The following PALM2AKAP2 variants were observed in gnomAD, a reference collection of about 807,000 sequenced individuals.
PALM2AKAP2 encodes PALM2 and AKAP2 fusion.
A neutral mutation model predicts 71.5 loss-of-function variants in PALM2AKAP2; 37 were observed. That is an observed-to-expected ratio of 0.52 (90% CI 0.40 to 0.68). The LOEUF (loss-of-function observed/expected upper bound fraction) is 0.68. Ranked by LOEUF, PALM2AKAP2 falls within the 30% of genes least tolerant of loss-of-function variation. PALM2AKAP2 has a pLI of 0.00. For missense variants in PALM2AKAP2, 1,224 were observed against 1,191.8 expected, an observed-to-expected ratio of 1.03 and a Z score of -0.40; for synonymous variants, 468 against 478.8, an observed-to-expected ratio of 0.98 and a Z score of 0.29.
chr9:109,747,828 C>A (rs1344218901), intron 1 of PALM2AKAP2, among the ~76,000 whole-genome samples: 1 of 152,106 alleles, frequency 6.6e-6, no homozygotes, highest in South Asian at 2.1e-4. Flanking sequence ...CACCACCAGG[C>A]CTGGCTAATT....
intron 6 of PALM2AKAP2, among the ~76,000 whole-genome samples, chr9:109,988,453 A>G (rs1265908455): frequency 2.0e-5 from 3 of 152,148 alleles, no homozygotes; most frequent in African/African-American, 7.2e-5. Flanking sequence ...CAACATTCCA[A>G]AAGTCTTCCT....
intron 6 of PALM2AKAP2, among the ~76,000 whole-genome samples, chr9:109,977,289 G>A (rs896708286): frequency 4.6e-5 from 7 of 151,840 alleles, no homozygotes; most frequent in African/African-American, 1.2e-4. Context: ...GATCCACTTA[G>A]TGAGAAACAT....
chr9:109,922,475 G>C (rs1588010769), intron 3 of PALM2AKAP2, among the ~76,000 whole-genome samples: 1 of 139,438 alleles, frequency 7.2e-6, no homozygotes, highest in East Asian at 2.1e-4. Flanking sequence ...AAGGAGGAAG[G>C]CAAGGGAGGG....
At chr9:109,836,462 A>G (rs995523555) in intron 1 of PALM2AKAP2, among the ~76,000 whole-genome samples, 3 of 152,336 alleles carry the variant, frequency 2.0e-5, no homozygotes, top group East Asian at 3.9e-4. Flanking sequence ...AATTCTAAAA[A>G]TCAGAGTGCC....
chr9:109,987,913 A>G (rs993458119), intron 6 of PALM2AKAP2, among the ~76,000 whole-genome samples: 1 of 152,242 alleles, frequency 6.6e-6, no homozygotes, highest in African/African-American at 2.4e-5. Context: ...GCAAGAAAAT[A>G]TTAGAGATTC....
chr9:109,693,588 A>G (rs943860805), intron 1 of PALM2AKAP2, among the ~76,000 whole-genome samples: 3 of 152,156 alleles, frequency 2.0e-5, no homozygotes, highest in African/African-American at 7.2e-5. Context: ...ATTCTACACT[A>G]TAAATTCTCT....
intron 6 of PALM2AKAP2, among the ~76,000 whole-genome samples, chr9:109,999,387 A>T (rs1241966024): frequency 6.6e-6 from 1 of 151,818 alleles, no homozygotes; most frequent in Non-Finnish European, 1.5e-5. Context: ...AAAAACAAAT[A>T]AAAATAAAAA....
chr9:110,140,672 T>C (rs913490464), intron 2 of PALM2AKAP2, among the ~76,000 whole-genome samples: 1 of 152,246 alleles, frequency 6.6e-6, no homozygotes, highest in Non-Finnish European at 1.5e-5. Flanking sequence ...ATGTTTATTA[T>C]TTAACTAGCC....
intron 3 of PALM2AKAP2, among the ~76,000 whole-genome samples, chr9:109,895,797 A>T (rs944968979): frequency 2.0e-5 from 3 of 152,194 alleles, no homozygotes; most frequent in African/African-American, 7.2e-5. Flanking sequence ...ACAGTTTAGC[A>T]TGGCTGGGGA....
intron 6 of PALM2AKAP2, among the ~76,000 whole-genome samples, chr9:109,979,831 G>T (rs541313285): frequency 1.6e-4 from 25 of 152,300 alleles, no homozygotes; most frequent in African/African-American, 5.8e-4. Context: ...ATTGAAAAAT[G>T]AGACAACATG....
intron 1 of PALM2AKAP2, among the ~76,000 whole-genome samples, chr9:109,647,227 T>G (rs1361395337): frequency 1.3e-5 from 2 of 152,210 alleles, no homozygotes; most frequent in Non-Finnish European, 2.9e-5. Flanking sequence ...TACTTTTTCT[T>G]ATCAATGTAT....
In PALM2AKAP2 at chr9:110,090,505, C is replaced by A. The variant is rs1031651960; in HGVS notation, c.156+41650C>A. ...GCCTCAAGCTCATTAAGGCACATTT[C>A]TCTTTTATTCTTCAGGGACATTGCA... On this transcript the variant is annotated intron_variant, in intron 1 of 3. Coordinates refer to ENST00000374525, the Ensembl canonical transcript of PALM2AKAP2. 7 of 450,104 alleles carry A rather than the reference C, an allele frequency of 1.6e-5. No individual in the cohort carries two copies. In the East Asian group the frequency reaches 4.9e-4, roughly 32 times the overall value. 27.9% of individuals were successfully genotyped at this position (450,104 alleles called of 1,614,324 possible). A position where few individuals can be genotyped will look rare whatever the true frequency, so the allele number is the denominator to read the frequency against.
At chr9:109,996,007 A>G (rs1832568931) in intron 6 of PALM2AKAP2, among the ~76,000 whole-genome samples, 1 of 152,220 alleles carries the variant, frequency 6.6e-6, no homozygotes, top group Admixed American at 6.5e-5. Flanking sequence ...CAATTTATAC[A>G]GCAAGAGAAG....
intron 1 of PALM2AKAP2, among the ~76,000 whole-genome samples, chr9:110,102,874 G>C (rs1488101367): frequency 6.6e-6 from 1 of 151,966 alleles, no homozygotes; most frequent in African/African-American, 2.4e-5. Context: ...ACCGAAGCCA[G>C]TGATGCCACA....
At chr9:109,779,016 C>T (rs1050994430), upstream of PALM2AKAP2, among the ~76,000 whole-genome samples, 5 of 152,180 alleles carry the variant, frequency 3.3e-5, no homozygotes, top group South Asian at 6.2e-4. Flanking sequence ...GTGATCCACC[C>T]GCCTTGGCCT....
chr9:109,913,734 G>A (rs988363498), intron 3 of PALM2AKAP2, among the ~76,000 whole-genome samples: 1 of 151,002 alleles, frequency 6.6e-6, no homozygotes, highest in Admixed American at 6.6e-5. Flanking sequence ...AATAACAGTG[G>A]CTTAAACAAG....
At chr9:109,842,474 A>G (rs192546591) in intron 1 of PALM2AKAP2, among the ~76,000 whole-genome samples, 244 of 152,362 alleles carry the variant, frequency 1.6e-3, no homozygotes, top group African/African-American at 5.7e-3. Context: ...GGTACGCAGA[A>G]TACATTATCC....
intron 1 of PALM2AKAP2, among the ~76,000 whole-genome samples, chr9:109,692,905 C>T (rs981508429): frequency 6.6e-6 from 1 of 151,764 alleles, no homozygotes; most frequent in Non-Finnish European, 1.5e-5. Context: ...TTTCCCTTCC[C>T]CCCACCTCCA....
At chr9:109,904,236 G>A (rs1229681808) in intron 3 of PALM2AKAP2, among the ~76,000 whole-genome samples, 2 of 152,186 alleles carry the variant, frequency 1.3e-5, no homozygotes, top group Non-Finnish European at 2.9e-5. Flanking sequence ...CCATTTTATA[G>A]ATTGAGGAGA....
Sources: gnomAD v4.1 joint callset for allele counts (sites outside exome capture counted in the v4.1 genomes callset) on GRCh38, gnomAD v4.1.1 for gene constraint, MANE v1.5 for transcripts, NCBI Gene and HGNC (gene_info 2026-07-23, HGNC 2026-07-21) for gene names.